The following ARHGEF10 variants were observed in gnomAD, a reference collection of about 807,000 sequenced individuals.
ARHGEF10 encodes Rho guanine nucleotide exchange factor 10.
In ARHGEF10, 140 loss-of-function variants were observed where a neutral mutation model predicts 147.4. The observed-to-expected ratio is 0.95, with a 90% confidence interval of 0.83 to 1.09. ARHGEF10 has a LOEUF of 1.09. Ranked by LOEUF, ARHGEF10 falls within the 50% of genes least tolerant of loss-of-function variation. The pLI, the probability that ARHGEF10 is intolerant of heterozygous loss-of-function variation, is 0.00. For missense variants in ARHGEF10, 2,222 were observed against 1,752.7 expected, an observed-to-expected ratio of 1.27 and a Z score of -4.78; for synonymous variants, 902 against 695.8, an observed-to-expected ratio of 1.30 and a Z score of -4.67.
chr8:1,933,468 G>T (rs1282868484), intron 25 of ARHGEF10, among the ~76,000 whole-genome samples: 47 of 150,754 alleles, frequency 3.1e-4, no homozygotes, highest in Non-Finnish European at 2.9e-5. Flanking sequence ...CTAGTGGTAG[G>T]ATGGTCTCGA....
Position 1,903,279 on chromosome 8 carries a change from A to G in ARHGEF10, c.1651-2A>G. The G allele has an allele frequency of 6.2e-7, 1 of 1,614,060 alleles. No individual in the cohort carries two copies. The highest frequency in any genetic ancestry group is 8.5e-7 in the Non-Finnish European group (1 of 1,180,016). ...TGCCCACCTCTCCCCTGTTGCTTGT[A>G]GGACATGCTGAAGAACACCTCCAAA... On this transcript the variant is annotated splice_acceptor_variant, in intron 15 of 28. Coordinates refer to ENST00000349830, the MANE Select transcript of ARHGEF10 (RefSeq NM_014629.4). LOFTEE classifies it high-confidence loss of function.
At chr8:1,934,059 G>T in intron 26 of ARHGEF10, 117 bp downstream of exon 26, 1 of 1,374,696 alleles carries the variant, frequency 7.3e-7, no homozygotes, top group Middle Eastern at 2.2e-4. Context: ...TTCTAGCCGG[G>T]CACAGTGGCT....
intron 8 of ARHGEF10, among the ~76,000 whole-genome samples, chr8:1,877,091 C>T (rs1326959847): frequency 1.3e-5 from 2 of 152,170 alleles, no homozygotes; most frequent in Non-Finnish European, 2.9e-5. Flanking sequence ...ATCGGGGTTC[C>T]CTAAGACACA....
intron 26 of ARHGEF10, among the ~76,000 whole-genome samples, chr8:1,941,016 A>G (rs966865140): frequency 2.6e-5 from 4 of 152,236 alleles, no homozygotes; most frequent in African/African-American, 9.7e-5. Context: ...AGCTAACATC[A>G]TACTTTATGG....
At chr8:1,943,975 G>A (rs1814323405) in intron 26 of ARHGEF10, 1 of 152,234 alleles carries the variant, frequency 6.6e-6, no homozygotes. Context: ...TGGACAGTCA[G>A]ATGTGGAGCC....
At chr8:1,870,731 C>G (rs921036890) in intron 7 of ARHGEF10, 3 of 152,146 alleles carry the variant, frequency 2.0e-5, no homozygotes, top group African/African-American at 7.2e-5. Flanking sequence ...CAAAATATAA[C>G]AAGGCTTAAT....
intron 10 of ARHGEF10, 120 bp downstream of exon 10, chr8:1,882,869 C>T (rs1808337208): frequency 2.3e-6 from 2 of 865,418 alleles, no homozygotes; most frequent in African/African-American, 1.7e-5. Flanking sequence ...TAGGGAGCAC[C>T]AGCCTGCTCA....
In ARHGEF10 at chr8:1,894,465, C is replaced by T. The variant is rs1420667913; in HGVS notation, c.1333C>T (p.Arg445Ter). The change falls in exon 13 of 29, where the codon CGA (arginine) becomes TGA (stop). Residue 445 changes from arginine to a stop codon, truncating the protein, a stop_gained. Coordinates refer to ENST00000349830, the MANE Select transcript of ARHGEF10 (RefSeq NM_014629.4). LOFTEE classifies it high-confidence loss of function. ...SERKLKTVFY[R>*]VKEILQCHSL... ...GAGGAAGCTGAAGACGGTGTTCTAC[C>T]GAGTCAAAGAGATCCTGCAGTGCCA... 9 of 1,614,196 alleles carry T rather than the reference C, an allele frequency of 5.6e-6. No individual in the cohort carries two copies. Among genetic ancestry groups the T allele is most frequent in the Non-Finnish European group, 7.6e-6 (9 of 1,180,040 alleles).
chr8:1,843,461 T>C (rs761318500), intron 2 of ARHGEF10, 25 bp downstream of exon 2: 1 of 1,580,644 alleles, frequency 6.3e-7, no homozygotes, highest in South Asian at 1.1e-5. Context: ...TAGGTGGGCC[T>C]GTGGGTCAGG....
At chr8:1,932,418 G>A (rs1487083662) in intron 25 of ARHGEF10, among the ~76,000 whole-genome samples, 1 of 152,110 alleles carries the variant, frequency 6.6e-6, no homozygotes. Context: ...GTGACGGCAG[G>A]TGCACGTACT....
At chr8:1,887,680 G>T (rs1174516263) in intron 11 of ARHGEF10, among the ~76,000 whole-genome samples, 2 of 151,692 alleles carry the variant, frequency 1.3e-5, no homozygotes, top group Non-Finnish European at 2.9e-5. Context: ...GCAATGTGAG[G>T]GGTCTGTGAG....
intron 18 of ARHGEF10, among the ~76,000 whole-genome samples, chr8:1,916,054 G>C (rs763086599): frequency 1.3e-5 from 2 of 152,236 alleles, no homozygotes; most frequent in Non-Finnish European, 2.9e-5. Context: ...TGCCATGCCT[G>C]TGTGTCACAT....
chr8:1,943,737 A>G (rs1814296456), intron 26 of ARHGEF10: 1 of 152,200 alleles, frequency 6.6e-6, no homozygotes, highest in Admixed American at 6.5e-5. Flanking sequence ...CTTCTCATTG[A>G]CAAATATTTA....
chr8:1,930,604 C>G (rs372471522), intron 25 of ARHGEF10, among the ~76,000 whole-genome samples: 92 of 152,288 alleles, frequency 6.0e-4, no homozygotes, highest in African/African-American at 2.1e-3. Flanking sequence ...CCAACCACCC[C>G]CGTTCTCTCT....
chr8:1,920,085 CTGTTCT>C (rs1812156965), intron 18 of ARHGEF10, among the ~76,000 whole-genome samples: 3 of 152,002 alleles, frequency 2.0e-5, no homozygotes, highest in Non-Finnish European at 2.9e-5. Context: ...GGTGATGGAG[CTGTTCT>C]GTGGGTGATG....
intron 26 of ARHGEF10, among the ~76,000 whole-genome samples, chr8:1,938,546 C>T (rs1813809465): frequency 1.3e-5 from 2 of 152,162 alleles, no homozygotes; most frequent in Non-Finnish European, 2.9e-5. Flanking sequence ...TTAAAGATGA[C>T]CTAAATAGTG....
At chr8:1,854,198 C>G (rs1453182271) in intron 2 of ARHGEF10, among the ~76,000 whole-genome samples, 1 of 152,238 alleles carries the variant, frequency 6.6e-6, no homozygotes, top group Non-Finnish European at 1.5e-5. Context: ...GCTCAGCACA[C>G]ACCACCTTGA....
rs183323792 is a variant in ARHGEF10, at chr8:1,891,664, G to A, written c.1183-1905G>A. Among the ~76,000 whole-genome samples, 11 of 152,204 alleles carry A rather than the reference G, an allele frequency of 7.2e-5. No homozygotes were observed. In the East Asian group the frequency reaches 2.1e-3, roughly 30 times the overall value. ...CTTCATGCCAGGGACCCTCCCTGTG[G>A]GGGCTGCATTCAGGATGGATTTCTC... On this transcript the variant is annotated intron_variant, in intron 11 of 28. Coordinates refer to ENST00000349830, the MANE Select transcript of ARHGEF10 (RefSeq NM_014629.4).
chr8:1,849,968 C>CCGGGTGCTGGCGG (rs1804929185), intron 2 of ARHGEF10, among the ~76,000 whole-genome samples: 1 of 95,668 alleles, frequency 1.0e-5, no homozygotes. Flanking sequence ...CTGAGGAGGG[C>CCGGGTGCTGGCGG]GTGGGCCGGC....
Sources: gnomAD v4.1 joint callset for allele counts (sites outside exome capture counted in the v4.1 genomes callset) on GRCh38, gnomAD v4.1.1 for gene constraint, MANE v1.5 for transcripts, NCBI Gene and HGNC (gene_info 2026-07-23, HGNC 2026-07-21) for gene names.